KCNAB1: variants seen among roughly 807,000 people sequenced by gnomAD.
KCNAB1 encodes the protein potassium voltage-gated channel subfamily A regulatory beta subunit 1.
In KCNAB1, 35 loss-of-function variants were observed where a neutral mutation model predicts 64.6. That is an observed-to-expected ratio of 0.54 (90% CI 0.41 to 0.72). The LOEUF (loss-of-function observed/expected upper bound fraction) is 0.72, where lower values mean the gene tolerates loss of function less well. KCNAB1 is among the 30% of genes least tolerant of loss of function. The pLI is 0.00. For synonymous variants in KCNAB1, 177 were observed against 183.8 expected, an observed-to-expected ratio of 0.96 and a Z score of 0.30; for missense variants, 401 against 512.9, an observed-to-expected ratio of 0.78 and a Z score of 2.11.
chr3:156,523,421 T>C (rs971054311), intron 11 of KCNAB1, among the ~76,000 whole-genome samples: 4 of 152,200 alleles, frequency 2.6e-5, no homozygotes, highest in Admixed American at 2.6e-4. Context: ...GGCACCCAGC[T>C]TTCTTAATAA....
chr3:156,502,573 C>T (rs977146332), intron 8 of KCNAB1, among the ~76,000 whole-genome samples: 1 of 139,876 alleles, frequency 7.1e-6, no homozygotes, highest in South Asian at 2.3e-4. Context: ...CACACACACA[C>T]AAATTCAAGA....
intron 1 of KCNAB1, chr3:156,143,079 CAT>C (rs1714797234): frequency 4.1e-6 from 6 of 1,449,434 alleles, no homozygotes; most frequent in Non-Finnish European, 5.4e-6. Context: ...TTTTGAGGGA[CAT>C]ACTGAAGCCA....
intron 1 of KCNAB1, among the ~76,000 whole-genome samples, chr3:156,305,336 A>G (rs547118149): frequency 6.6e-6 from 1 of 152,360 alleles, no homozygotes; most frequent in African/African-American, 2.4e-5. Flanking sequence ...CCCCAGTCCT[A>G]GCACGGTGGC....
At chr3:156,133,488 T>C (rs1714117764) in intron 1 of KCNAB1, among the ~76,000 whole-genome samples, 1 of 152,248 alleles carries the variant, frequency 6.6e-6, no homozygotes, top group African/African-American at 2.4e-5. Flanking sequence ...ATATGTAACA[T>C]TGAAATAGTT....
intron 1 of KCNAB1, among the ~76,000 whole-genome samples, chr3:156,313,919 T>C (rs1430606559): frequency 6.6e-6 from 1 of 152,248 alleles, no homozygotes; most frequent in Non-Finnish European, 1.5e-5. Context: ...CACTAGCTCA[T>C]TTTCACAGTA....
chr3:156,354,122 A>G (rs370337054), intron 1 of KCNAB1, among the ~76,000 whole-genome samples: 6,333 of 69,542 alleles, frequency 0.091, 436 homozygotes, highest in African/African-American at 0.32. Context: ...GTGTGTGTGT[A>G]TATATATATA....
At chr3:156,201,481 C>T (rs1262304353) in intron 1 of KCNAB1, among the ~76,000 whole-genome samples, 1 of 152,156 alleles carries the variant, frequency 6.6e-6, no homozygotes, top group East Asian at 1.9e-4. Flanking sequence ...ACTCAAAGTT[C>T]ATAGTTTAGG....
intron 1 of KCNAB1, among the ~76,000 whole-genome samples, chr3:156,392,235 C>T (rs1332501673): frequency 6.6e-6 from 1 of 152,206 alleles, no homozygotes; most frequent in Non-Finnish European, 1.5e-5. Context: ...AAACACCTTT[C>T]CCTTATTCAC....
At chr3:156,258,321 C>T (rs530923152) in intron 1 of KCNAB1, among the ~76,000 whole-genome samples, 23 of 152,324 alleles carry the variant, frequency 1.5e-4, no homozygotes, top group African/African-American at 4.3e-4. Flanking sequence ...GTCATTTTAG[C>T]ACATTTCAGT....
intron 1 of KCNAB1, among the ~76,000 whole-genome samples, chr3:156,337,482 C>G (rs975324790): frequency 6.6e-6 from 1 of 152,162 alleles, no homozygotes; most frequent in African/African-American, 2.4e-5. Flanking sequence ...TCCTCCTCCT[C>G]CTGGAGCCAG....
intron 6 of KCNAB1, 134 bp from the exon 7 acceptor site, chr3:156,465,508 TC>T (rs1713298948): frequency 1.4e-6 from 1 of 695,782 alleles, no homozygotes; most frequent in African/African-American, 2.1e-5. Context: ...CCACCAGACT[TC>T]TCTCCTTAGC....
At chr3:156,157,709 C>A (rs1577651596) in intron 1 of KCNAB1, among the ~76,000 whole-genome samples, 1 of 152,080 alleles carries the variant, frequency 6.6e-6, no homozygotes, top group Non-Finnish European at 1.5e-5. Context: ...CTCAATTTTT[C>A]AGTCAAAATA....
chr3:156,432,525 A>G (rs1050851001), intron 2 of KCNAB1, among the ~76,000 whole-genome samples: 1 of 152,218 alleles, frequency 6.6e-6, no homozygotes, highest in African/African-American at 2.4e-5. Flanking sequence ...AATTAGAGGA[A>G]AAAGAGGCTA....
chr3:156,327,696 C>T (rs1480242861), intron 1 of KCNAB1, among the ~76,000 whole-genome samples: 3 of 152,082 alleles, frequency 2.0e-5, no homozygotes, highest in Non-Finnish European at 4.4e-5. Flanking sequence ...AGAAATATCC[C>T]AGGCACAGAG....
chr3:156,472,765 T>C (rs1714022697), intron 7 of KCNAB1, among the ~76,000 whole-genome samples: 1 of 152,222 alleles, frequency 6.6e-6, no homozygotes, highest in South Asian at 2.1e-4. Flanking sequence ...GCTCTCAATA[T>C]GCACTGTTAG....
At chr3:156,355,306 G>T (rs980386976) in intron 1 of KCNAB1, among the ~76,000 whole-genome samples, 1 of 152,168 alleles carries the variant, frequency 6.6e-6, no homozygotes, top group Non-Finnish European at 1.5e-5. Flanking sequence ...ATTTTCTGAC[G>T]TTGACGTGAG....
rs1231216737 is a variant in KCNAB1, at chr3:156,430,378, G to T, written c.319+8719G>T. Among the ~76,000 whole-genome samples, 6 of 152,184 alleles carry T rather than the reference G, an allele frequency of 3.9e-5. No homozygotes were observed. In the East Asian group the frequency reaches 9.6e-4, roughly 24 times the overall value. On this transcript the variant is annotated intron_variant, in intron 2 of 13. Transcript: ENST00000490337. ...CACACACCTCATCTCTCTCCATGCA[G>T]CCACAAAGGGATAAGTAGCCCTCAT...
intron 1 of KCNAB1, among the ~76,000 whole-genome samples, chr3:156,265,420 A>G (rs1461988688): frequency 2.6e-4 from 39 of 152,044 alleles, no homozygotes; most frequent in Admixed American, 2.4e-3. Flanking sequence ...CCCTGGGTCA[A>G]TGCTGCTCCC....
At chr3:156,396,669 G>C (rs1713488175) in intron 1 of KCNAB1, among the ~76,000 whole-genome samples, 1 of 152,168 alleles carries the variant, frequency 6.6e-6, no homozygotes, top group African/African-American at 2.4e-5. Flanking sequence ...TGCTCCTACT[G>C]CCTCAAATTT....
Sources: gnomAD v4.1 joint callset for allele counts (sites outside exome capture counted in the v4.1 genomes callset) on GRCh38, gnomAD v4.1.1 for gene constraint, MANE v1.5 for transcripts, NCBI Gene and HGNC (gene_info 2026-07-23, HGNC 2026-07-21) for gene names.